MUS81: variants seen among roughly 807,000 people sequenced by gnomAD.
MUS81 encodes structure-specific endonuclease subunit MUS81.
MUS81 carries 69 observed loss-of-function variants against 74.2 expected under a neutral mutation model. The ratio of observed to expected loss-of-function variants is 0.93; its 90% CI spans 0.77 to 1.14. MUS81 has a LOEUF of 1.14. Ranked by LOEUF, MUS81 falls within the 50% of genes most tolerant of loss-of-function variation. The pLI, the probability that MUS81 is intolerant of heterozygous loss-of-function variation, is 0.00. For missense variants in MUS81, 711 were observed against 726.5 expected, an observed-to-expected ratio of 0.98 and a Z score of 0.25; for synonymous variants, 303 against 300.6, an observed-to-expected ratio of 1.01 and a Z score of -0.08.
At chr11:65,866,910 C>T, downstream of MUS81, 3 of 1,614,126 alleles carry the variant, frequency 1.9e-6, no homozygotes, top group Non-Finnish European at 2.5e-6. Context: ...GTGGCTCCCT[C>T]CTGCTCCTCA....
In MUS81 at chr11:65,862,630, G is replaced by GT. The variant is rs1040978370; in HGVS notation, c.605+101_605+102insT. 87 of 1,132,874 alleles carry GT rather than the reference G, an allele frequency of 7.7e-5. 3 individuals carry two copies. Among genetic ancestry groups the GT allele is most frequent in the South Asian group, 6.5e-4 (49 of 74,956 alleles). The allele number at this position is 1,132,874 out of a possible 1,614,324, so 70.2% of individuals were successfully genotyped here. On this transcript the variant is annotated intron_variant, in intron 6 of 15. Coordinates refer to ENST00000308110, the MANE Select transcript of MUS81 (RefSeq NM_025128.5). Reference sequence around the variant, plus strand: ...CCAGAGCTGATGCTGTTGAGATTGGGGGGGGTGGGCCTTTCCTCAGGAGCC... The same window carrying GT: ...CCAGAGCTGATGCTGTTGAGATTGGGTGGGGGTGGGCCTTTCCTCAGGAGCC...
chr11:65,860,577 C>T lies in MUS81; in HGVS notation c.-177C>T, dbSNP rs945403087. On this transcript the variant is annotated 5_prime_UTR_variant, in exon 1 of 16. Transcript: ENST00000308110. ...CAGCGCAGGGGTGGGAGGGCGGCCG[C>T]AGGCTCTCCTCTCGTTAGTGCCCCC... The T allele has an allele frequency of 2.5e-6, 2 of 797,938 alleles. No homozygotes were observed. The highest frequency in any genetic ancestry group is 3.5e-5 in the African/African-American group (2 of 57,936). The allele number at this position is 797,938 out of a possible 1,614,324, so 49.4% of individuals were successfully genotyped here. A position where few individuals can be genotyped will look rare whatever the true frequency, so the allele number is the denominator to read the frequency against.
intron 3 of MUS81, chr11:65,861,684 G>C: frequency 1.7e-6 from 1 of 600,926 alleles, no homozygotes; most frequent in Non-Finnish European, 3.0e-6. Context: ...CACCATTATT[G>C]AGTTTTCCTG....
At position 65,866,015 on chromosome 11, in the gene MUS81, T is replaced by C; in HGVS notation, c.1619T>C (p.Leu540Ser). 6 of 1,614,008 alleles carry C rather than the reference T, an allele frequency of 3.7e-6. No homozygotes were observed. The highest frequency in any genetic ancestry group is 5.1e-6 in the Non-Finnish European group (6 of 1,179,960). ...CTGGGGCCTGCTCTGAGCAGGACCT[T>C]ATCCCAGCTCTACTGCAGCTACGGC... is the stretch of plus-strand genomic sequence containing the variant. ...RNLGPALSRT[L>S]SQLYCSYGPL... Residue 540 changes from leucine to serine, a missense_variant, in exon 16 of 16, where the codon TTA becomes TCA. Physicochemically the swap from Leu to Ser is moderately radical, Grantham distance 145. Coordinates refer to ENST00000308110, the MANE Select transcript of MUS81 (RefSeq NM_025128.5).
chr11:65,867,331 T>C (rs1030814866), downstream of MUS81: 4 of 567,156 alleles, frequency 7.1e-6, no homozygotes, highest in African/African-American at 7.5e-5. Flanking sequence ...CCAGGCTAAC[T>C]GACGATTCAA....
Position 65,865,211 on chromosome 11 carries a change from C to G in MUS81, c.1402-9C>G. The G allele has an allele frequency of 6.2e-7, 1 of 1,614,086 alleles. No individual in the cohort carries two copies. The highest frequency in any genetic ancestry group is 2.2e-5 in the East Asian group (1 of 44,886). On this transcript the variant is annotated splice_polypyrimidine_tract_variant and intron_variant, in intron 13 of 15. Coordinates refer to ENST00000308110, the MANE Select transcript of MUS81 (RefSeq NM_025128.5). ...GACCCCCACTGATCCAGCCCTTTCC[C>G]GAACCCAGGCCCAGTCGGTGCGAGA...
Position 65,863,717 on chromosome 11 carries a change from C to A in MUS81, c.957C>A (p.Asp319Glu). The A allele has an allele frequency of 2.5e-6, 4 of 1,614,010 alleles. No homozygotes were observed. Among genetic ancestry groups the A allele is most frequent in the Non-Finnish European group, 3.4e-6 (4 of 1,179,948 alleles). The change falls in exon 9 of 16, where the codon GAC becomes GAA. Residue 319 changes from aspartate (D) to glutamate (E), a missense_variant. Physicochemically the swap from Asp to Glu is conservative, Grantham distance 45. Transcript: ENST00000308110. Reference sequence around the variant, plus strand: ...TGGCCCAGGAGACCAATCCTAGAGACCCAGGTGAAGGGCCGTGGACAGGCT... The same window carrying A: ...TGGCCCAGGAGACCAATCCTAGAGAACCAGGTGAAGGGCCGTGGACAGGCT... ...VWVAQETNPR[D>E]PANPGELVLD...
Position 65,861,995 on chromosome 11 carries a change from C to G in MUS81, c.400C>G (p.Arg134Gly), listed in dbSNP as rs143830327. ...AGGCTCTGGCAGCTACTGGCCAGCT[C>G]GGCACTCAGGAGCCCGAGTGATACT... ...AGGSGSYWPA[R>G]HSGARVILLV... The change falls in exon 4 of 16, where the codon CGG becomes GGG. Residue 134 changes from arginine to glycine, a missense_variant. Transcript: ENST00000308110. 1.9e-5 allele frequency: 31 copies of G among 1,611,338 alleles called. No individual in the cohort carries two copies. Among genetic ancestry groups the G allele is most frequent in the Non-Finnish European group, 2.5e-5 (29 of 1,179,218 alleles).
intron 10 of MUS81, 186 bp downstream of exon 10, chr11:65,864,087 A>G (rs1383505312): frequency 4.8e-6 from 3 of 630,534 alleles, no homozygotes; most frequent in East Asian, 2.7e-5. Flanking sequence ...GTAGGAAGCC[A>G]GGTACCTGCA....
rs1859732167 is a variant in MUS81 at position 65,864,365 on chromosome 11, G to A, written c.1060-132G>A. 6.6e-6 allele frequency: 5 copies of A among 753,666 alleles called. No homozygotes were observed. In the East Asian group the frequency reaches 1.3e-4, roughly 20 times the overall value. The allele number at this position is 753,666 out of a possible 1,614,324, so 46.7% of individuals were successfully genotyped here. ...CGGAGGCCCCTGTGAGGCAGGTGGA[G>A]AGGCTAGGGAGGATGCAGAGGCTAA... On this transcript the variant is annotated intron_variant, in intron 10 of 15. Coordinates refer to ENST00000308110, the MANE Select transcript of MUS81 (RefSeq NM_025128.5).
At position 65,865,827 on chromosome 11, in the gene MUS81, G is replaced by A. The variant is rs778290347; in HGVS notation, c.1522G>A (p.Asp508Asn). ...GCCCCCCAGCCTCCTGGCCGCCTAT[G>A]ATGCCTGTGCCACCCCCAAGGAACA... is the stretch of plus-strand genomic sequence containing the variant. ...STPASLLAAYDACATPKEQET... is the reference protein window; with the variant it reads ...STPASLLAAYNACATPKEQET... The change falls in exon 15 of 16, where the codon GAT becomes AAT. Residue 508 changes from aspartate to asparagine, a missense_variant. Physicochemically the swap from Asp to Asn is conservative, Grantham distance 23 (BLOSUM62 1). Transcript: ENST00000308110. 3 of 1,614,024 alleles carry A rather than the reference G, an allele frequency of 1.9e-6. No individual in the cohort carries two copies. Among genetic ancestry groups the A allele is most frequent in the Non-Finnish European group, 2.5e-6 (3 of 1,179,994 alleles).
At position 65,863,436 on chromosome 11, in the gene MUS81, A is replaced by G; in HGVS notation, c.773A>G (p.Gln258Arg). 1 of 1,614,164 alleles carries G rather than the reference A, an allele frequency of 6.2e-7. No individual in the cohort carries two copies. The highest frequency in any genetic ancestry group is 8.5e-7 in the Non-Finnish European group (1 of 1,180,006). ...ELASEAGVQQ[Q>R]PLELRPGEYR... ...GCCAGTGAAGCAGGGGTCCAGCAGC[A>G]GCCACTGGAGCTGAGGCCTGGAGAG... The change falls in exon 8 of 16, where the codon CAG (glutamine) becomes CGG (arginine). Residue 258 changes from glutamine to arginine, a missense_variant. Transcript: ENST00000308110.
intron 4 of MUS81, 57 bp downstream of exon 4, chr11:65,862,102 C>T (rs966069009): frequency 1.6e-5 from 26 of 1,593,792 alleles, no homozygotes; most frequent in African/African-American, 4.0e-5. Context: ...GGAGGTTCCC[C>T]GAGGGGCCTG....
At position 65,861,389 on chromosome 11, in the gene MUS81, C is replaced by T. The variant is rs1336173878; in HGVS notation, c.305C>T (p.Pro102Leu). ...GACTCACCATCTGGAGAGAACAGTC[C>T]AGCCCCGCAGGGGCGACTTGCGGAA... ...APDSPSGENS[P>L]APQGRLAEVQ... is the part of the protein sequence containing the mutation. The change falls in exon 3 of 16, where the codon CCA (proline) becomes CTA (leucine). Residue 102 changes from proline to leucine, a missense_variant. Pro to Leu is a moderately conservative substitution (Grantham distance 98). Transcript: ENST00000308110. The T allele has an allele frequency of 6.2e-7, 1 of 1,603,612 alleles. No individual in the cohort carries two copies. Among genetic ancestry groups the T allele is most frequent in the Non-Finnish European group, 8.5e-7 (1 of 1,174,216 alleles).
downstream of MUS81, chr11:65,867,535 C>T (rs2134745867): frequency 8.7e-6 from 4 of 461,298 alleles, no homozygotes; most frequent in Non-Finnish European, 1.6e-5. Context: ...CCCCTCCCAC[C>T]TAACAGATCC....
chr11:65,864,846 A>G (rs745575112), intron 12 of MUS81, 31 bp downstream of exon 12: 1 of 1,601,120 alleles, frequency 6.2e-7, no homozygotes, highest in African/African-American at 1.3e-5. Flanking sequence ...CAGTGTCGGG[A>G]CAGAGCCCAC....
At position 65,865,286 on chromosome 11, in the gene MUS81, GCAGCAGCCCTGGTGGATCGATA is replaced by G. The variant is rs1859784484; in HGVS notation, c.1474_1495del (p.Ala492ProfsTer22). 1 of 1,614,170 alleles carries G rather than the reference GCAGCAGCCCTGGTGGATCGATA, an allele frequency of 6.2e-7. No individual in the cohort carries two copies. Among genetic ancestry groups the G allele is most frequent in the East Asian group, 2.2e-5 (1 of 44,888 alleles). On this transcript the variant is annotated frameshift_variant, in exon 14 of 16. Coordinates refer to ENST00000308110, the MANE Select transcript of MUS81 (RefSeq NM_025128.5). LOFTEE classifies it high-confidence loss of function. ...GGTGCGCGGAGTGAGTGGGGAGAAG[GCAGCAGCCCTGGTGGATCGATA>G]CAGCACCCCTGCCAGGTAGGCCCTA... is the stretch of plus-strand genomic sequence containing the variant.
chr11:65,864,523 G>T lies in MUS81; in HGVS notation c.1086G>T (p.Glu362Asp), dbSNP rs761122345. ...QKFRLKRCGL[E>D]RRVYLVEEHG... ...TCCGGCTGAAGCGCTGTGGTCTGGA[G>T]CGCCGGGTATACCTGGTGGAAGAGC... Residue 362 changes from glutamate to aspartate, a missense_variant, in exon 11 of 16, where the codon GAG becomes GAT. Transcript: ENST00000308110. 1.8e-5 allele frequency: 29 copies of T among 1,614,168 alleles called. No individual in the cohort carries two copies. The highest frequency in any genetic ancestry group is 2.5e-5 in the Non-Finnish European group (29 of 1,180,030).
intron 6 of MUS81, 98 bp downstream of exon 6, chr11:65,862,627 T>TGG (rs3216088): frequency 8.2e-5 from 87 of 1,066,540 alleles, no homozygotes; most frequent in East Asian, 4.0e-4. Context: ...CTGTTGAGAT[T>TGG]GGGGGGGGTG....
Sources: allele counts gnomAD v4.1 joint callset, GRCh38; gene constraint gnomAD v4.1.1; transcripts MANE v1.5; gene names NCBI Gene and HGNC (gene_info 2026-07-23, HGNC 2026-07-21).